Variants in LHX8 observed in about 807,000 individuals in gnomAD.
LHX8 encodes LIM/homeobox protein Lhx8.
LHX8 carries 12 observed loss-of-function variants against 40.3 expected under a neutral mutation model. The ratio of observed to expected loss-of-function variants is 0.30; its 90% confidence interval spans 0.19 to 0.48. The LOEUF (loss-of-function observed/expected upper bound fraction) is 0.48. Ranked by LOEUF, LHX8 falls within the 20% of genes least tolerant of loss-of-function variation. The pLI, the probability that LHX8 is intolerant of heterozygous loss-of-function variation, is 0.99. For synonymous variants in LHX8, 179 were observed against 162.0 expected (o/e 1.10, Z -0.80); for missense variants, 344 against 433.7 (o/e 0.79, Z 1.84).
chr1:75,173,550 T>C, the LHX8 span, among the ~76,000 whole-genome samples: 1 of 151,672 alleles, frequency 6.6e-6, no homozygotes, highest in Admixed American at 6.6e-5. Flanking sequence ...GCCCAGCTAA[T>C]TTTTTGTATT....
intron 2 of LHX8, 151 bp downstream of exon 2, chr1:75,136,840 G>GGTGGGGGGGGGGGGGC: frequency 2.2e-6 from 1 of 448,664 alleles, no homozygotes; most frequent in Non-Finnish European, 4.2e-6. Context: ...GGTGGGGTGG[G>GGTGGGGGGGGGGGGGC]AAGCTTAGCT....
At position 75,161,413 on chromosome 1, in the gene LHX8, T is replaced by C. The variant is rs894417148; in HGVS notation, c.*518T>C. 6.2e-6 allele frequency: 1 copy of C among 161,568 alleles called. No individual in the cohort carries two copies. The highest frequency in any genetic ancestry group is 2.4e-5 in the African/African-American group (1 of 41,494). 10.0% of individuals were successfully genotyped at this position (161,568 alleles called of 1,614,324 possible). A position where few individuals can be genotyped will look rare whatever the true frequency, so the allele number is the denominator to read the frequency against. ...ACTGAATAAAGCTTCTGTTGTAGCATGCCATGCAAACACATTATTGTGTTT... is the reference window on the plus strand; with the variant it reads ...ACTGAATAAAGCTTCTGTTGTAGCACGCCATGCAAACACATTATTGTGTTT... On this transcript the variant is annotated 3_prime_UTR_variant, in exon 9 of 9. Coordinates refer to ENST00000356261, the MANE Select transcript of LHX8 (RefSeq NM_001256114.2).
the LHX8 span, among the ~76,000 whole-genome samples, chr1:75,177,084 G>A: frequency 6.6e-6 from 1 of 152,182 alleles, no homozygotes; most frequent in Non-Finnish European, 1.5e-5. Flanking sequence ...TAGCCTTGTA[G>A]TATAGTTTGA....
the LHX8 span, among the ~76,000 whole-genome samples, chr1:75,181,663 C>T: frequency 6.6e-4 from 101 of 152,314 alleles, no homozygotes; most frequent in South Asian, 8.5e-3. Flanking sequence ...TTGAGTGAGG[C>T]GATGCCCCGC....
At chr1:75,179,499 GTTGTTT>G in the LHX8 span, among the ~76,000 whole-genome samples, 1 of 107,182 alleles carries the variant, frequency 9.3e-6, no homozygotes, top group Non-Finnish European at 1.9e-5. Context: ...TGCAACCCCT[GTTGTTT>G]TTTTTTTTTT....
At chr1:75,147,474 C>A (rs562655862) in intron 6 of LHX8, among the ~76,000 whole-genome samples, 2 of 152,136 alleles carry the variant, frequency 1.3e-5, no homozygotes, top group Admixed American at 6.5e-5. Context: ...AACTTGAAAA[C>A]AAATTATTTA....
the LHX8 span, among the ~76,000 whole-genome samples, chr1:75,197,744 A>G: frequency 6.6e-6 from 1 of 152,194 alleles, no homozygotes; most frequent in African/African-American, 2.4e-5. Context: ...CTCTAGACAG[A>G]TTTGAAGCCT....
At chr1:75,169,325 G>A in the LHX8 span, among the ~76,000 whole-genome samples, 2 of 152,246 alleles carry the variant, frequency 1.3e-5, no homozygotes, top group East Asian at 1.9e-4. Context: ...TTAATCTCAC[G>A]GAGCCTGTTT....
chr1:75,155,526 G>T (rs147201945), intron 7 of LHX8, among the ~76,000 whole-genome samples: 2 of 152,014 alleles, frequency 1.3e-5, no homozygotes, highest in Admixed American at 6.6e-5. Context: ...GAGCCACTGC[G>T]CCCGGCCCAT....
chr1:75,165,029 C>CT (rs890264560), downstream of LHX8, among the ~76,000 whole-genome samples: 28 of 152,046 alleles, frequency 1.8e-4, no homozygotes, highest in South Asian at 4.4e-3. Flanking sequence ...ACTTTTGTGA[C>CT]TTTTTTTTGC....
the LHX8 span, among the ~76,000 whole-genome samples, chr1:75,189,195 C>G: frequency 6.6e-6 from 1 of 152,208 alleles, no homozygotes; most frequent in Admixed American, 6.5e-5. Flanking sequence ...ATCTGACAGA[C>G]AAACAGCATT....
chr1:75,157,043 A>G lies in LHX8; in HGVS notation c.931A>G (p.Thr311Ala), dbSNP rs1449009809. The G allele has an allele frequency of 1.2e-6, 2 of 1,614,082 alleles. No individual in the cohort carries two copies. The highest frequency in any genetic ancestry group is 1.7e-6 in the Non-Finnish European group (2 of 1,180,040). The change falls in exon 8 of 9, where the codon ACG becomes GCG. Residue 311 changes from threonine (T) to alanine (A), a missense_variant. By Grantham distance (58) the Thr-to-Ala change is moderately conservative (BLOSUM62 0). Coordinates refer to ENST00000356261, the MANE Select transcript of LHX8 (RefSeq NM_001256114.2). ...TTCTGCCTACGTGCCCCAAGATGGAACGATGTTAACTGCGCTGCATAGTTA... is the reference window on the plus strand; with the variant it reads ...TTCTGCCTACGTGCCCCAAGATGGAGCGATGTTAACTGCGCTGCATAGTTA... Reference protein sequence around the residue: ...AYSAYVPQDGTMLTALHSYMD... With the variant: ...AYSAYVPQDGAMLTALHSYMD...
At chr1:75,128,907 C>T (rs1013602241) in intron 1 of LHX8, among the ~76,000 whole-genome samples, 1 of 152,146 alleles carries the variant, frequency 6.6e-6, no homozygotes, top group African/African-American at 2.4e-5. Flanking sequence ...CAGGGAGGTG[C>T]GTCTAACCTC....
At chr1:75,171,762 T>C in the LHX8 span, among the ~76,000 whole-genome samples, 2 of 152,184 alleles carry the variant, frequency 1.3e-5, no homozygotes, top group African/African-American at 2.4e-5. Context: ...CGATGACTTA[T>C]AAAGTTTCTC....
the LHX8 span, among the ~76,000 whole-genome samples, chr1:75,184,385 G>A: frequency 2.6e-4 from 39 of 152,166 alleles, no homozygotes; most frequent in African/African-American, 9.2e-4. Context: ...AGAATCCTTA[G>A]CAAATAGGAA....
rs1648071421 is a variant in LHX8 at position 75,134,820 on chromosome 1, AAT to A, written c.-146_-145del. ...TAACGGCCTCATCTTCAGACCTGGC[AAT>A]TTTTTTTTTTTATTACGTAGTAGCG... On this transcript the variant is annotated 5_prime_UTR_variant, in exon 1 of 9. Coordinates refer to ENST00000356261, the MANE Select transcript of LHX8 (RefSeq NM_001256114.2). 7.5e-6 allele frequency: 3 copies of A among 401,546 alleles called. No homozygotes were observed. Among genetic ancestry groups the A allele is most frequent in the Non-Finnish European group, 9.3e-6 (3 of 322,828 alleles). The allele number at this position is 401,546 out of a possible 1,614,324, so 24.9% of individuals were successfully genotyped here.
chr1:75,193,301 C>T, the LHX8 span, among the ~76,000 whole-genome samples: 15 of 152,184 alleles, frequency 9.9e-5, no homozygotes, highest in African/African-American at 3.4e-4. Flanking sequence ...CCTGTCTCCT[C>T]TCTGCCATCT....
At position 75,157,080 on chromosome 1, in the gene LHX8, G is replaced by A. The variant is rs1476916587; in HGVS notation, c.964+4G>A. 1 of 1,613,986 alleles carries A rather than the reference G, an allele frequency of 6.2e-7. No individual in the cohort carries two copies. The highest frequency in any genetic ancestry group is 8.5e-7 in the Non-Finnish European group (1 of 1,179,882). ...GCGCTGCATAGTTATATGGATGGTAGGTATCCCAACATTTAACAGCTGTCT... is the reference window on the plus strand; with the variant it reads ...GCGCTGCATAGTTATATGGATGGTAAGTATCCCAACATTTAACAGCTGTCT... On this transcript the variant is annotated splice_donor_region_variant and intron_variant, in intron 8 of 8. Transcript: ENST00000356261.
intron 4 of LHX8, 100 bp downstream of exon 4, chr1:75,141,206 C>T (rs1557487742): frequency 2.3e-6 from 3 of 1,287,410 alleles, no homozygotes; most frequent in East Asian, 4.8e-5. Context: ...TTTAATGAAG[C>T]CCAGTTTTTC....
Sources: allele counts gnomAD v4.1 joint callset (sites outside exome capture counted in the v4.1 genomes callset), GRCh38; gene constraint gnomAD v4.1.1; transcripts MANE v1.5; gene names NCBI Gene and HGNC (gene_info 2026-07-23, HGNC 2026-07-21).